The following AOAH variants were observed in gnomAD, a reference collection of about 807,000 sequenced individuals.
AOAH encodes acyloxyacyl hydrolase, also known as acyloxyacyl hydrolase (neutrophil).
AOAH carries 64 observed loss-of-function variants against 92.2 expected under a neutral mutation model. That is an observed-to-expected ratio of 0.69 (90% confidence interval 0.57 to 0.86). AOAH has a LOEUF of 0.86. Ranked by LOEUF, AOAH falls within the 40% of genes least tolerant of loss-of-function variation. The pLI, the probability that AOAH is intolerant of heterozygous loss-of-function variation, is 0.00. For missense variants in AOAH, 656 were observed against 694.6 expected, an observed-to-expected ratio of 0.94 and a Z score of 0.62; for synonymous variants, 263 against 254.5, an observed-to-expected ratio of 1.03 and a Z score of -0.32.
At chr7:36,713,488 T>C (rs1445248352) in intron 1 of AOAH, among the ~76,000 whole-genome samples, 1 of 152,188 alleles carries the variant, frequency 6.6e-6, no homozygotes, top group Non-Finnish European at 1.5e-5. Flanking sequence ...CTAATTGACA[T>C]CTACAGAACT....
intron 1 of AOAH, among the ~76,000 whole-genome samples, chr7:36,691,734 T>C (rs965822388): frequency 2.0e-5 from 3 of 152,212 alleles, no homozygotes; most frequent in Non-Finnish European, 4.4e-5. Flanking sequence ...CTTCCTCCCA[T>C]GAAGTGATGG....
intron 13 of AOAH, 64 bp from the exon 14 acceptor site, chr7:36,549,539 G>A (rs1786039245): frequency 8.8e-7 from 1 of 1,134,146 alleles, no homozygotes; most frequent in African/African-American, 1.5e-5. Context: ...TATCAATATG[G>A]GAGTCTGATT....
chr7:36,556,797 G>A (rs1415043012), intron 13 of AOAH, among the ~76,000 whole-genome samples: 1 of 142,822 alleles, frequency 7.0e-6, no homozygotes, highest in Admixed American at 7.1e-5. Flanking sequence ...TCAGAGACTA[G>A]GATTGCAACC....
chr7:36,522,142 C>T (rs1784137470), intron 19 of AOAH, 27 bp from the exon 20 acceptor site: 3 of 1,608,510 alleles, frequency 1.9e-6, no homozygotes, highest in Non-Finnish European at 2.6e-6. Context: ...GAGAGGGTTA[C>T]AGACACACTT....
intron 1 of AOAH, among the ~76,000 whole-genome samples, chr7:36,705,955 T>C (rs989661695): frequency 3.3e-5 from 5 of 152,150 alleles, no homozygotes; most frequent in African/African-American, 1.2e-4. Flanking sequence ...TGGCTAGCCA[T>C]ATGTAGAAAA....
intron 20 of AOAH, among the ~76,000 whole-genome samples, chr7:36,513,705 C>G (rs959277931): frequency 6.6e-6 from 1 of 152,228 alleles, no homozygotes. Context: ...CAGCCTGAAG[C>G]TGGCTCCTCA....
chr7:36,562,148 A>G (rs929011556), intron 13 of AOAH, among the ~76,000 whole-genome samples: 2 of 152,154 alleles, frequency 1.3e-5, no homozygotes, highest in African/African-American at 4.8e-5. Flanking sequence ...TGCAATTCTC[A>G]TGTCACTGTT....
chr7:36,526,096 T>C (rs1784383564), intron 19 of AOAH, among the ~76,000 whole-genome samples: 1 of 152,214 alleles, frequency 6.6e-6, no homozygotes, highest in Admixed American at 6.5e-5. Context: ...TAGGAAATTA[T>C]TCCTGTCTCT....
rs561023358 is a variant in AOAH at position 36,652,196 on chromosome 7, C to CA, written c.390+6969dup. ...TACCAGAACATAAAGTAGTATGGAA[C>CA]AAAAAAAAAATAGGACAGAGGCATG... is the stretch of plus-strand genomic sequence containing the variant. On this transcript the variant is annotated intron_variant, in intron 4 of 20. Transcript: ENST00000617537. 9.2e-4 allele frequency among the ~76,000 whole-genome samples: 132 copies of CA among 143,968 alleles called. 2 individuals are homozygous for CA. Among genetic ancestry groups the CA allele is most frequent in the Middle Eastern group, 7.1e-3 (2 of 282 alleles). 94.4% of individuals were successfully genotyped at this position (143,968 alleles called of 152,430 possible). A position where few individuals can be genotyped will look rare whatever the true frequency, so the allele number is the denominator to read the frequency against.
At chr7:36,573,327 G>C (rs531723577) in intron 13 of AOAH, among the ~76,000 whole-genome samples, 1 of 152,274 alleles carries the variant, frequency 6.6e-6, no homozygotes, top group South Asian at 2.1e-4. Context: ...CTCCTCTGTT[G>C]ATTGCAAAAA....
At chr7:36,603,817 G>A (rs1256649519) in intron 11 of AOAH, among the ~76,000 whole-genome samples, 2 of 152,312 alleles carry the variant, frequency 1.3e-5, no homozygotes, top group South Asian at 4.1e-4. Flanking sequence ...AACTTGCTAA[G>A]TCTCAGTTTC....
chr7:36,699,947 T>G (rs1486160305), intron 1 of AOAH, among the ~76,000 whole-genome samples: 1 of 152,108 alleles, frequency 6.6e-6, no homozygotes, highest in African/African-American at 2.4e-5. Flanking sequence ...ATTTAAGTTT[T>G]TAATCCATTT....
At chr7:36,621,652 C>G in intron 8 of AOAH, 58 bp downstream of exon 8, 1 of 1,518,236 alleles carries the variant, frequency 6.6e-7, no homozygotes, top group Non-Finnish European at 9.2e-7. Context: ...GGAAATGTGC[C>G]TCCTGCTTCC....
intron 11 of AOAH, among the ~76,000 whole-genome samples, chr7:36,609,829 A>G (rs897765233): frequency 1.3e-5 from 2 of 152,208 alleles, no homozygotes; most frequent in South Asian, 2.1e-4. Flanking sequence ...GGCTTGGCAC[A>G]TAGTAGACCT....
At chr7:36,660,877 A>T (rs1213476730) in intron 3 of AOAH, among the ~76,000 whole-genome samples, 1 of 152,106 alleles carries the variant, frequency 6.6e-6, no homozygotes, top group Non-Finnish European at 1.5e-5. Flanking sequence ...ATAAGTAAAA[A>T]CTCTACTTAT....
chr7:36,686,757 A>G lies in AOAH; in HGVS notation c.165T>C (p.Ala55=). 1 of 1,580,918 alleles carries G rather than the reference A, an allele frequency of 6.3e-7. No homozygotes were observed. Among genetic ancestry groups the G allele is most frequent in the Non-Finnish European group, 8.6e-7 (1 of 1,163,364 alleles). Residue 55 remains alanine, a synonymous_variant, in exon 2 of 21, where the codon GCT becomes GCC. Transcript: ENST00000617537. ...VLVVSVIEQL[A]QVHNSTVQAS... is the part of the protein sequence containing the mutation. ...CCTGGACCGTCGAGTTGTGAACTTG[A>G]GCAAGCTGTTCTATTACAGACACCA...
At chr7:36,654,128 T>TACAC (rs767393225) in intron 4 of AOAH, among the ~76,000 whole-genome samples, 12 of 146,918 alleles carry the variant, frequency 8.2e-5, no homozygotes, top group Admixed American at 3.5e-4. Flanking sequence ...CGTGTGTGCG[T>TACAC]ACACACACAC....
intron 9 of AOAH, 113 bp downstream of exon 9, chr7:36,620,668 T>C: frequency 2.2e-6 from 2 of 927,890 alleles, no homozygotes; most frequent in Admixed American, 4.8e-5. Context: ...AGGAAAAGAG[T>C]TGCTTTAGGC....
chr7:36,591,059 G>C (rs116304363), intron 12 of AOAH, among the ~76,000 whole-genome samples: 144 of 151,582 alleles, frequency 9.5e-4, no homozygotes, highest in African/African-American at 3.2e-3. Context: ...CTGCTTAATG[G>C]GGGAATCCAT....
Sources: allele counts gnomAD v4.1 joint callset (sites outside exome capture counted in the v4.1 genomes callset), GRCh38; gene constraint gnomAD v4.1.1; transcripts MANE v1.5; gene names NCBI Gene and HGNC (gene_info 2026-07-23, HGNC 2026-07-21).